The following RAD51B variants were observed in gnomAD, a reference collection of about 807,000 sequenced individuals.
RAD51B encodes RAD51 paralog B, also known as DNA repair protein RAD51 homolog 2.
In RAD51B, 38 loss-of-function variants were observed where a neutral mutation model predicts 42.2. The observed-to-expected ratio is 0.90, with a 90% CI of 0.70 to 1.18. The LOEUF (loss-of-function observed/expected upper bound fraction) is 1.18. Ranked by LOEUF, RAD51B falls within the 50% of genes most tolerant of loss-of-function variation. The pLI is 0.00. For synonymous variants in RAD51B, 154 were observed against 145.2 expected, an observed-to-expected ratio of 1.06 and a Z score of -0.43; for missense variants, 373 against 400.7, an observed-to-expected ratio of 0.93 and a Z score of 0.59.
At chr14:68,327,378 TGTTG>T (rs757193226) in intron 8 of RAD51B, among the ~76,000 whole-genome samples, 2 of 141,246 alleles carry the variant, frequency 1.4e-5, no homozygotes, top group African/African-American at 5.5e-5. Context: ...TGTTTTTTTT[TGTTG>T]TTTTTTTTTT....
chr14:68,453,312 A>T (rs2085604835), intron 9 of RAD51B, among the ~76,000 whole-genome samples: 1 of 152,228 alleles, frequency 6.6e-6, no homozygotes, highest in Admixed American at 6.5e-5. Flanking sequence ...GCTTCAGCAA[A>T]TAATAGAACA....
At chr14:68,001,685 G>T (rs532117698) in intron 7 of RAD51B, among the ~76,000 whole-genome samples, 2 of 152,142 alleles carry the variant, frequency 1.3e-5, no homozygotes, top group East Asian at 3.9e-4. Flanking sequence ...TCTTCCTGAT[G>T]CTCTCCCTCT....
intron 10 of RAD51B, among the ~76,000 whole-genome samples, chr14:68,503,494 CTAGAT>C (rs145030955): frequency 0.054 from 8,236 of 152,202 alleles, 294 homozygotes; most frequent in Non-Finnish European, 0.072. Context: ...CCACCACTCA[CTAGAT>C]TTCTATCTTT....
chr14:68,432,250 A>G (rs1304857418), intron 9 of RAD51B, among the ~76,000 whole-genome samples: 4 of 152,266 alleles, frequency 2.6e-5, no homozygotes, highest in East Asian at 3.9e-4. Context: ...GGAGAGTTCT[A>G]TAGATGTCTA....
At chr14:68,645,263 A>T (rs954161156) in intron 10 of RAD51B, among the ~76,000 whole-genome samples, 2 of 152,104 alleles carry the variant, frequency 1.3e-5, no homozygotes, top group African/African-American at 4.8e-5. Context: ...TCTTTTAGTG[A>T]TTGGCTTATT....
At chr14:68,679,838 G>A (rs1893389751) in intron 11 of RAD51B, among the ~76,000 whole-genome samples, 2 of 152,174 alleles carry the variant, frequency 1.3e-5, no homozygotes, top group South Asian at 4.1e-4. Flanking sequence ...GTTCTATAAC[G>A]TTCTTTCTTC....
chr14:68,283,035 G>A (rs1011425873), intron 7 of RAD51B, among the ~76,000 whole-genome samples: 1 of 152,208 alleles, frequency 6.6e-6, no homozygotes, highest in African/African-American at 2.4e-5. Context: ...CAAGGAGCAA[G>A]TGATTCAACA....
In RAD51B at chr14:68,066,188, CACTT is replaced by C. The variant is rs545770077; in HGVS notation, c.756+178987_756+178990del. On this transcript the variant is annotated intron_variant, in intron 7 of 10. Transcript: ENST00000471583. Reference sequence around the variant, plus strand: ...AAAACATTTTAATGATGTTGGAAAACACTTACGTTGTAATAGTAATTAAATAAGG... The same window carrying C: ...AAAACATTTTAATGATGTTGGAAAACACGTTGTAATAGTAATTAAATAAGG... Among the ~76,000 whole-genome samples the C allele has an allele frequency of 4.0e-4, 61 of 151,966 alleles. 1 individual carries two copies. Among genetic ancestry groups the C allele is most frequent in the Admixed American group, 1.0e-3 (16 of 15,286 alleles).
rs2081383486 is a variant in RAD51B at position 68,284,860 on chromosome 14, C to T, written c.757-7024C>T. Among the ~76,000 whole-genome samples the T allele has an allele frequency of 3.9e-5, 6 of 152,098 alleles. No individual in the cohort carries two copies. The South Asian group carries it at 1.2e-3, about 32-fold the overall frequency. On this transcript the variant is annotated intron_variant, in intron 7 of 10. Coordinates refer to ENST00000471583, the MANE Select transcript of RAD51B (RefSeq NM_133510.4). ...CATTTGTTTTTGTGACGCTCAAACTCCGTAACAAATATTGGGTATCTCTAT... is the reference window on the plus strand; with the variant it reads ...CATTTGTTTTTGTGACGCTCAAACTTCGTAACAAATATTGGGTATCTCTAT...
chr14:68,037,651 C>A (rs2076155171), intron 7 of RAD51B, among the ~76,000 whole-genome samples: 1 of 152,158 alleles, frequency 6.6e-6, no homozygotes, highest in African/African-American at 2.4e-5. Flanking sequence ...AAATGTCTTG[C>A]CAATGTCTTA....
chr14:68,632,351 T>C (rs1251275127), intron 10 of RAD51B, among the ~76,000 whole-genome samples: 2 of 152,148 alleles, frequency 1.3e-5, no homozygotes, highest in African/African-American at 2.4e-5. Flanking sequence ...CACTCTCTGA[T>C]CCAAAGTGTT....
intron 11 of RAD51B, among the ~76,000 whole-genome samples, chr14:68,659,465 G>C (rs1385785945): frequency 1.3e-5 from 2 of 152,180 alleles, no homozygotes; most frequent in African/African-American, 4.8e-5. Flanking sequence ...GAATGTTGGG[G>C]AGGAGAAGAG....
chr14:68,523,222 A>G (rs1188161697), intron 10 of RAD51B, among the ~76,000 whole-genome samples: 2 of 152,206 alleles, frequency 1.3e-5, no homozygotes, highest in African/African-American at 4.8e-5. Flanking sequence ...GATACCAGGC[A>G]TGAGGGCAGA....
chr14:68,562,684 G>T, intron 10 of RAD51B: 2 of 985,408 alleles, frequency 2.0e-6, no homozygotes, highest in Non-Finnish European at 1.2e-6. Flanking sequence ...ATGAAGAAAA[G>T]ACCCTGACTT....
intron 10 of RAD51B, among the ~76,000 whole-genome samples, chr14:68,566,195 G>T (rs955453672): frequency 2.6e-5 from 4 of 152,240 alleles, no homozygotes; most frequent in African/African-American, 9.6e-5. Context: ...AGGTCGGGGA[G>T]TGTGTCTGTT....
chr14:68,557,333 A>T (rs1387293793), intron 10 of RAD51B, among the ~76,000 whole-genome samples: 1 of 152,168 alleles, frequency 6.6e-6, no homozygotes, highest in Non-Finnish European at 1.5e-5. Context: ...ATTAACCTAC[A>T]ATGGGCAAAA....
In RAD51B at chr14:68,136,635, G is replaced by A. The variant is rs1392765116; in HGVS notation, c.757-155249G>A. Reference sequence around the variant, plus strand: ...CCAGCCATACTTTTAAAAGCTTATTGTAACAAACACATACTGCTTATTCCA... The same window carrying A: ...CCAGCCATACTTTTAAAAGCTTATTATAACAAACACATACTGCTTATTCCA... On this transcript the variant is annotated intron_variant, in intron 7 of 10. Transcript: ENST00000471583. Among the ~76,000 whole-genome samples, 23 of 53,082 alleles carry A rather than the reference G, an allele frequency of 4.3e-4. 6 individuals carry two copies. Among genetic ancestry groups the A allele is most frequent in the African/African-American group, 7.8e-4 (19 of 24,472 alleles). The allele number at this position is 53,082 out of a possible 152,430, so 34.8% of individuals were successfully genotyped here.
intron 10 of RAD51B, among the ~76,000 whole-genome samples, chr14:68,602,455 G>A (rs1431940653): frequency 6.6e-6 from 1 of 152,034 alleles, no homozygotes; most frequent in Non-Finnish European, 1.5e-5. Context: ...CAACAGGGTT[G>A]GATGCGGATA....
At chr14:68,599,173 G>A (rs998004894), downstream of RAD51B, among the ~76,000 whole-genome samples, 57 of 152,340 alleles carry the variant, frequency 3.7e-4, no homozygotes, top group Admixed American at 3.5e-3. Flanking sequence ...ACAGGGGGCT[G>A]CCAGGAGTGG....
Sources: gnomAD v4.1 joint callset for allele counts (sites outside exome capture counted in the v4.1 genomes callset) on GRCh38, gnomAD v4.1.1 for gene constraint, MANE v1.5 for transcripts, NCBI Gene and HGNC (gene_info 2026-07-23, HGNC 2026-07-21) for gene names.